The following SORCS1 variants were observed in gnomAD, a reference collection of about 807,000 sequenced individuals.
The protein encoded by SORCS1 is VPS10 domain-containing receptor SorCS1.
Under a neutral mutation model 146.1 loss-of-function variants are expected in SORCS1, and 60 were observed. The ratio of observed to expected loss-of-function variants is 0.41; its 90% CI spans 0.33 to 0.51. The LOEUF is 0.51. SORCS1 is among the 20% of genes least tolerant of loss of function. The pLI is 0.21. For synonymous variants in SORCS1, 637 were observed against 584.0 expected, an observed-to-expected ratio of 1.09 and a Z score of -1.31; for missense variants, 1,352 against 1,487.6, an observed-to-expected ratio of 0.91 and a Z score of 1.50.
At chr10:107,013,969 G>C (rs1388321496) in intron 1 of SORCS1, among the ~76,000 whole-genome samples, 1 of 152,120 alleles carries the variant, frequency 6.6e-6, no homozygotes, top group African/African-American at 2.4e-5. Context: ...CTTAAAAAGA[G>C]AGAAAAGGCC....
At chr10:106,976,325 G>GTTTTTTTTTT (rs1554901295) in intron 1 of SORCS1, among the ~76,000 whole-genome samples, 73 of 90,470 alleles carry the variant, frequency 8.1e-4, no homozygotes, top group South Asian at 7.7e-3. Context: ...CATCATCTAG[G>GTTTTTTTTTT]TTTTTTTGTT....
At chr10:107,142,202 G>C (rs1340776832) in intron 1 of SORCS1, among the ~76,000 whole-genome samples, 1 of 152,138 alleles carries the variant, frequency 6.6e-6, no homozygotes, top group African/African-American at 2.4e-5. Flanking sequence ...TTTGGCAGAG[G>C]TTTGCGAGGA....
chr10:106,941,166 T>C (rs1011551880), intron 2 of SORCS1, among the ~76,000 whole-genome samples: 8 of 152,194 alleles, frequency 5.3e-5, no homozygotes, highest in South Asian at 2.1e-4. Context: ...GCCTGGCATA[T>C]AGTAAATTGT....
At chr10:106,657,453 G>A (rs1850385770) in intron 17 of SORCS1, among the ~76,000 whole-genome samples, 1 of 152,024 alleles carries the variant, frequency 6.6e-6, no homozygotes, top group African/African-American at 2.4e-5. Context: ...TGGAGAGTCA[G>A]AAAGGGTGAG....
intron 3 of SORCS1, among the ~76,000 whole-genome samples, chr10:106,818,199 T>C (rs1292074277): frequency 6.6e-6 from 1 of 152,230 alleles, no homozygotes; most frequent in East Asian, 1.9e-4. Flanking sequence ...TTAAGATACA[T>C]GCTGAATATA....
At chr10:106,912,475 T>A (rs1295874955) in intron 2 of SORCS1, among the ~76,000 whole-genome samples, 1 of 152,130 alleles carries the variant, frequency 6.6e-6, no homozygotes, top group South Asian at 2.1e-4. Context: ...TGCCAGGGAA[T>A]TTGCATTTCA....
At chr10:106,918,375 G>C (rs1952546600) in intron 2 of SORCS1, among the ~76,000 whole-genome samples, 1 of 152,100 alleles carries the variant, frequency 6.6e-6, no homozygotes, top group African/African-American at 2.4e-5. Flanking sequence ...ATGTTAGCCA[G>C]GATGGTCTCA....
intron 1 of SORCS1, among the ~76,000 whole-genome samples, chr10:106,967,725 C>T (rs1278674872): frequency 1.3e-5 from 2 of 152,106 alleles, no homozygotes; most frequent in Admixed American, 1.3e-4. Flanking sequence ...TCTCATTCCC[C>T]TCCAGTGCTT....
At chr10:106,849,618 G>A (rs9670853) in intron 2 of SORCS1, among the ~76,000 whole-genome samples, 3,682 of 151,352 alleles carry the variant, frequency 0.024, 140 homozygotes, top group African/African-American at 0.082. Context: ...GCTTTGTTCC[G>A]TTGCTGGTGA....
Position 106,960,490 on chromosome 10 carries a change from C to T in SORCS1, c.559-3910G>A, listed in dbSNP as rs763784814. ...CGTGATCTCGGCTCACTGCAACCTCCGCCTCACAGGTTCAAGCAATTCTCC... is the reference window on the plus strand; with the variant it reads ...CGTGATCTCGGCTCACTGCAACCTCTGCCTCACAGGTTCAAGCAATTCTCC... On this transcript the variant is annotated intron_variant, in intron 1 of 25. Transcript: ENST00000263054. This position sits in a 1 kb window ranked among gnomAD's most constrained non-coding sequence, Gnocchi z 4.4. 2.6e-5 allele frequency among the ~76,000 whole-genome samples: 4 copies of T among 151,812 alleles called. No homozygotes were observed. Among genetic ancestry groups the T allele is most frequent in the Non-Finnish European group, 5.9e-5 (4 of 67,958 alleles).
rs1564769643 is a variant in SORCS1, at chr10:106,607,053, TG to T, written c.3165+112del. ...CCATGAATGCTCTTGCATGTGCTTTTGGTGAAGCTGTAGTTAGGATCACCAG... is the reference window on the plus strand; with the variant it reads ...CCATGAATGCTCTTGCATGTGCTTTTGTGAAGCTGTAGTTAGGATCACCAG... On this transcript the variant is annotated intron_variant, in intron 23 of 25. Transcript: ENST00000263054. The T allele has an allele frequency of 2.8e-6, 4 of 1,405,956 alleles. No individual in the cohort carries two copies. The South Asian group carries it at 5.4e-5, about 19-fold the overall frequency. 87.1% of individuals were successfully genotyped at this position (1,405,956 alleles called of 1,614,324 possible).
At chr10:106,774,426 A>AGTGT (rs3045083) in intron 4 of SORCS1, among the ~76,000 whole-genome samples, 6,113 of 147,686 alleles carry the variant, frequency 0.041, 146 homozygotes, top group African/African-American at 0.071. Flanking sequence ...TAGGTTCCAA[A>AGTGT]GTGTGTGTGT....
intron 1 of SORCS1, among the ~76,000 whole-genome samples, chr10:106,988,513 T>C (rs1214701861): frequency 6.6e-6 from 1 of 152,044 alleles, no homozygotes; most frequent in Non-Finnish European, 1.5e-5. Flanking sequence ...TCCAGGAAGC[T>C]ACTGGGTCAA....
chr10:106,898,017 T>C (rs1026360697), intron 2 of SORCS1, among the ~76,000 whole-genome samples: 8 of 152,230 alleles, frequency 5.3e-5, no homozygotes, highest in African/African-American at 1.7e-4. Context: ...TAAATTCCCC[T>C]TCAGTGAAAA....
chr10:106,782,911 C>T (rs1397406024), intron 3 of SORCS1, among the ~76,000 whole-genome samples: 1 of 152,144 alleles, frequency 6.6e-6, no homozygotes, highest in East Asian at 1.9e-4. Context: ...AAACCTGGCT[C>T]TAGTCAATGT....
intron 1 of SORCS1, among the ~76,000 whole-genome samples, chr10:107,130,649 G>A (rs1460115471): frequency 6.6e-6 from 1 of 151,928 alleles, no homozygotes; most frequent in Non-Finnish European, 1.5e-5. Context: ...AACATCTTTT[G>A]TTCCCACTTT....
At chr10:107,052,479 G>A (rs569810461) in intron 1 of SORCS1, among the ~76,000 whole-genome samples, 2 of 152,212 alleles carry the variant, frequency 1.3e-5, no homozygotes, top group East Asian at 3.9e-4. Flanking sequence ...AACCCTACAG[G>A]CTAAATCAGG....
chr10:106,866,715 T>C (rs1950232475), intron 2 of SORCS1, among the ~76,000 whole-genome samples: 1 of 152,192 alleles, frequency 6.6e-6, no homozygotes, highest in Non-Finnish European at 1.5e-5. Flanking sequence ...CACCACCTAC[T>C]GGATCATACC....
intron 13 of SORCS1, among the ~76,000 whole-genome samples, chr10:106,675,480 A>G (rs561926522): frequency 1.3e-5 from 2 of 152,242 alleles, no homozygotes; most frequent in Admixed American, 6.5e-5. Context: ...CCCTGTCCAA[A>G]ACCTCTCTAC....
Sources: gnomAD v4.1 joint callset for allele counts (sites outside exome capture counted in the v4.1 genomes callset) on GRCh38, gnomAD v4.1.1 for gene constraint, Gnocchi (gnomAD v3.1) non-coding constraint, MANE v1.5 for transcripts, NCBI Gene and HGNC (gene_info 2026-07-23, HGNC 2026-07-21) for gene names.